The following STRN variants were observed in gnomAD, a reference collection of about 807,000 sequenced individuals.
The protein encoded by STRN is striatin.
Under a neutral mutation model 96.3 loss-of-function variants are expected in STRN, and 53 were observed. That is an observed-to-expected ratio of 0.55 (90% CI 0.44 to 0.69). The LOEUF (loss-of-function observed/expected upper bound fraction) is 0.69, where lower values mean the gene tolerates loss of function less well. Ranked by LOEUF, STRN falls within the 30% of genes least tolerant of loss-of-function variation. STRN has a pLI of 0.00. For missense variants in STRN, 987 were observed against 963.9 expected, an observed-to-expected ratio of 1.02 and a Z score of -0.32; for synonymous variants, 428 against 355.9, an observed-to-expected ratio of 1.20 and a Z score of -2.28.
chr2:36,847,106 ACT>A lies in STRN; in HGVS notation c.*2348_*2349del, dbSNP rs2148118835. On this transcript the variant is annotated 3_prime_UTR_variant, in exon 18 of 18. Coordinates refer to ENST00000263918, the MANE Select transcript of STRN (RefSeq NM_003162.4). ...AGATCATGCAGTGCTGGTAGAGAAG[ACT>A]CTCTCCGTAGTCTCCAATGCCACAG... 1 of 151,850 alleles carries A rather than the reference ACT, an allele frequency of 6.6e-6. No individual in the cohort carries two copies. Among genetic ancestry groups the A allele is most frequent in the South Asian group, 2.1e-4 (1 of 4,800 alleles). 9.4% of individuals were successfully genotyped at this position (151,850 alleles called of 1,614,324 possible). A position where few individuals can be genotyped will look rare whatever the true frequency, so the allele number is the denominator to read the frequency against.
At chr2:36,915,292 A>T (rs1042533648) in intron 3 of STRN, among the ~76,000 whole-genome samples, 2 of 138,572 alleles carry the variant, frequency 1.4e-5, no homozygotes, top group Admixed American at 7.8e-5. Flanking sequence ...AGCACAAGGT[A>T]CGTATTTCAG....
chr2:36,928,339 GAAAAAAGGT>G (rs1558656956), intron 1 of STRN, among the ~76,000 whole-genome samples: 4 of 152,020 alleles, frequency 2.6e-5, no homozygotes, highest in Non-Finnish European at 5.9e-5. Context: ...AAAAGGGAAG[GAAAAAAGGT>G]AAAAAGAAAA....
At chr2:36,914,545 A>C (rs923637011) in intron 3 of STRN, among the ~76,000 whole-genome samples, 2 of 152,238 alleles carry the variant, frequency 1.3e-5, no homozygotes, top group African/African-American at 4.8e-5. Context: ...AAGGAAAAAA[A>C]CACAGCACTG....
chr2:36,962,722 C>T lies in STRN; in HGVS notation c.234+3508G>A, dbSNP rs1004665383. Among the ~76,000 whole-genome samples, 6 of 152,148 alleles carry T rather than the reference C, an allele frequency of 3.9e-5. No homozygotes were observed. The South Asian group carries it at 6.2e-4, about 16-fold the overall frequency. On this transcript the variant is annotated intron_variant, in intron 1 of 17. Coordinates refer to ENST00000263918, the MANE Select transcript of STRN (RefSeq NM_003162.4). ...CAAGGTTTCACCATGTTGGCCAGGA[C>T]GGTCTCGATATCTTGACCTCACGAT...
intron 1 of STRN, among the ~76,000 whole-genome samples, chr2:36,929,289 T>C (rs868661839): frequency 5.9e-5 from 9 of 152,252 alleles, no homozygotes; most frequent in Non-Finnish European, 1.0e-4. Flanking sequence ...AATAGGAATA[T>C]AGATCTTCTA....
chr2:36,928,317 A>C (rs1261199221), intron 1 of STRN, among the ~76,000 whole-genome samples: 1 of 152,136 alleles, frequency 6.6e-6, no homozygotes, highest in East Asian at 1.9e-4. Flanking sequence ...CGAAAACAGC[A>C]AAAGGAAGAA....
chr2:36,862,461 C>T (rs562442394), intron 12 of STRN, among the ~76,000 whole-genome samples: 2 of 152,152 alleles, frequency 1.3e-5, no homozygotes, highest in Non-Finnish European at 2.9e-5. Context: ...TGTGACATGG[C>T]ATCTCATTGT....
At chr2:36,963,324 T>C (rs1038337563) in intron 1 of STRN, among the ~76,000 whole-genome samples, 21 of 152,264 alleles carry the variant, frequency 1.4e-4, no homozygotes, top group African/African-American at 4.3e-4. Flanking sequence ...TTAAAGGTAT[T>C]TGTGTTGACT....
intron 2 of STRN, among the ~76,000 whole-genome samples, chr2:36,923,837 C>G (rs992245268): frequency 2.0e-5 from 3 of 151,974 alleles, no homozygotes; most frequent in Admixed American, 6.6e-5. Context: ...ACTCAGTTAT[C>G]TAAAAAAAAA....
At chr2:36,934,730 C>G (rs1670658697) in intron 1 of STRN, among the ~76,000 whole-genome samples, 1 of 152,190 alleles carries the variant, frequency 6.6e-6, no homozygotes, top group Non-Finnish European at 1.5e-5. Context: ...CCCATCCCCT[C>G]TATCTAGTTT....
chr2:36,856,806 C>T (rs1013510231), intron 14 of STRN, among the ~76,000 whole-genome samples: 2 of 152,050 alleles, frequency 1.3e-5, no homozygotes, highest in Admixed American at 6.5e-5. Context: ...GGTGGATTTT[C>T]CCCTTTGGTG....
At chr2:36,879,478 T>A (rs899781473) in intron 9 of STRN, among the ~76,000 whole-genome samples, 2 of 152,384 alleles carry the variant, frequency 1.3e-5, no homozygotes, top group South Asian at 4.1e-4. Context: ...TTTTGTAACA[T>A]TTTGAACATA....
rs1668003511 is a variant in STRN, at chr2:36,843,868, A to T, written c.*5588T>A. 1 of 152,246 alleles carries T rather than the reference A, an allele frequency of 6.6e-6. No individual in the cohort carries two copies. The highest frequency in any genetic ancestry group is 2.4e-5 in the African/African-American group (1 of 41,478). 9.4% of individuals were successfully genotyped at this position (152,246 alleles called of 1,614,324 possible). ...GCCACCAAAGATGGATATCTTAATT[A>T]GCTTATCCATACCCTGAATTTACAT... is the stretch of plus-strand genomic sequence containing the variant. On this transcript the variant is annotated 3_prime_UTR_variant, in exon 18 of 18. Transcript: ENST00000263918.
chr2:36,881,680 CTA>C, intron 9 of STRN, among the ~76,000 whole-genome samples: 1 of 152,274 alleles, frequency 6.6e-6, no homozygotes, highest in East Asian at 1.9e-4. Flanking sequence ...AAGTTCCTCA[CTA>C]TGTTTTTTAT....
intron 1 of STRN, among the ~76,000 whole-genome samples, chr2:36,926,955 T>C (rs1558656289): frequency 6.6e-6 from 1 of 152,220 alleles, no homozygotes; most frequent in Non-Finnish European, 1.5e-5. Context: ...TGTTTGTCTA[T>C]GCCAAACGTG....
chr2:36,908,202 G>C (rs1572665907), intron 3 of STRN, among the ~76,000 whole-genome samples: 1 of 152,126 alleles, frequency 6.6e-6, no homozygotes. Context: ...GATGTTAAAT[G>C]AAGTTCTGAG....
At chr2:36,886,680 G>T (rs1165537802) in intron 8 of STRN, 36 bp downstream of exon 8, 1 of 1,520,298 alleles carries the variant, frequency 6.6e-7, no homozygotes, top group East Asian at 2.4e-5. Context: ...AAAGAGGCAA[G>T]ATTTATGATT....
chr2:36,957,762 T>G (rs1308807689), intron 1 of STRN, among the ~76,000 whole-genome samples: 1 of 120,160 alleles, frequency 8.3e-6, no homozygotes, highest in Non-Finnish European at 1.8e-5. Flanking sequence ...TTTTTTTTTT[T>G]TTTTTTTTTT....
At chr2:36,904,969 C>CTT (rs199913588) in intron 4 of STRN, among the ~76,000 whole-genome samples, 5 of 134,820 alleles carry the variant, frequency 3.7e-5, no homozygotes, top group Non-Finnish European at 1.6e-5. Flanking sequence ...ACCAATTGCA[C>CTT]TTTTTTTTTT....
Sources: gnomAD v4.1 joint callset for allele counts (sites outside exome capture counted in the v4.1 genomes callset) on GRCh38, gnomAD v4.1.1 for gene constraint, MANE v1.5 for transcripts, NCBI Gene and HGNC (gene_info 2026-07-23, HGNC 2026-07-21) for gene names.